The following DGKG variants were observed in gnomAD, a reference collection of about 807,000 sequenced individuals.
The protein encoded by DGKG is diacylglycerol kinase gamma.
A neutral mutation model predicts 105.3 loss-of-function variants in DGKG; 78 were observed. That is an observed-to-expected ratio of 0.74 (90% confidence interval 0.62 to 0.89). The LOEUF is 0.89. Ranked by LOEUF, DGKG falls within the 40% of genes least tolerant of loss-of-function variation. The pLI is 0.00. For synonymous variants in DGKG, 346 were observed against 367.1 expected, an observed-to-expected ratio of 0.94 and a Z score of 0.66; for missense variants, 958 against 1,020.1, an observed-to-expected ratio of 0.94 and a Z score of 0.83.
intron 21 of DGKG, among the ~76,000 whole-genome samples, chr3:186,194,395 G>T (rs1239926423): frequency 2.0e-5 from 3 of 152,220 alleles, no homozygotes; most frequent in Non-Finnish European, 4.4e-5. Context: ...GCGTTTCCGC[G>T]CCCTCCTTCT....
In DGKG at chr3:186,260,764, C is replaced by T. The variant is rs545649438; in HGVS notation, c.1350-251G>A. Among the ~76,000 whole-genome samples, 20 of 152,340 alleles carry T rather than the reference C, an allele frequency of 1.3e-4. No individual in the cohort carries two copies. The South Asian group carries it at 3.7e-3, about 28-fold the overall frequency. Reference sequence around the variant, plus strand: ...CTCCAGCTCCTAAGCCCAGAAGCATCGCCCCTTACAAAGAGGACAGGGCAG... The same window carrying T: ...CTCCAGCTCCTAAGCCCAGAAGCATTGCCCCTTACAAAGAGGACAGGGCAG... On this transcript the variant is annotated intron_variant, in intron 15 of 24. Coordinates refer to ENST00000265022, the MANE Select transcript of DGKG (RefSeq NM_001346.3).
At position 186,158,624 on chromosome 3, in the gene DGKG, T is replaced by C. The variant is rs938971248; in HGVS notation, c.2277+2979A>G. 4.0e-5 allele frequency: 37 copies of C among 924,014 alleles called. No individual in the cohort carries two copies. The African/African-American group carries it at 4.8e-4, about 12-fold the overall frequency. The allele number at this position is 924,014 out of a possible 1,614,324, so 57.2% of individuals were successfully genotyped here. A position where few individuals can be genotyped will look rare whatever the true frequency, so the allele number is the denominator to read the frequency against. Reference sequence around the variant, plus strand: ...AATATGAATGCCTGAACAAATATGATATTTAATTTCTTTATGAGTTATAGA... The same window carrying C: ...AATATGAATGCCTGAACAAATATGACATTTAATTTCTTTATGAGTTATAGA... On this transcript the variant is annotated intron_variant, in intron 24 of 24. Coordinates refer to ENST00000265022, the MANE Select transcript of DGKG (RefSeq NM_001346.3).
intron 2 of DGKG, among the ~76,000 whole-genome samples, chr3:186,319,341 A>C (rs540841371): frequency 6.1e-4 from 93 of 152,226 alleles, no homozygotes; most frequent in African/African-American, 2.2e-3. Flanking sequence ...AGACCCAGGG[A>C]TGTTCAGGGA....
chr3:186,313,785 G>GA (rs1272780981), intron 2 of DGKG, among the ~76,000 whole-genome samples: 2 of 151,802 alleles, frequency 1.3e-5, no homozygotes, highest in African/African-American at 4.8e-5. Context: ...ATCGTTAAAA[G>GA]AAAAAAAGGT....
At chr3:186,181,157 T>A (rs1045207211) in intron 22 of DGKG, among the ~76,000 whole-genome samples, 2 of 152,232 alleles carry the variant, frequency 1.3e-5, no homozygotes, top group South Asian at 2.1e-4. Context: ...TATGCCTGTC[T>A]GTGGGGTTAT....
intron 21 of DGKG, among the ~76,000 whole-genome samples, chr3:186,196,137 CTT>C (rs71164579): frequency 2.3e-3 from 303 of 131,074 alleles, no homozygotes; most frequent in Admixed American, 3.9e-3. Flanking sequence ...CTTTTTCTTT[CTT>C]TTTTTTTTTT....
At chr3:186,156,210 T>C (rs1322350561) in intron 24 of DGKG, among the ~76,000 whole-genome samples, 1 of 151,946 alleles carries the variant, frequency 6.6e-6, no homozygotes. Context: ...TGATCATCTA[T>C]TTTTTTTCTG....
Position 186,268,928 on chromosome 3 carries a change from G to C in DGKG, c.1000-11C>G, listed in dbSNP as rs766930661. Reference sequence around the variant, plus strand: ...TGCGTGCTGCATCACCTGCGGGAGGGAAGCGAACGATGCCAGGGAAAATGG... The same window carrying C: ...TGCGTGCTGCATCACCTGCGGGAGGCAAGCGAACGATGCCAGGGAAAATGG... On this transcript the variant is annotated splice_polypyrimidine_tract_variant and intron_variant, in intron 11 of 24. Coordinates refer to ENST00000265022, the MANE Select transcript of DGKG (RefSeq NM_001346.3). The C allele has an allele frequency of 5.6e-6, 9 of 1,594,068 alleles. No individual in the cohort carries two copies. In the African/African-American group the frequency reaches 1.2e-4, roughly 21 times the overall value.
intron 22 of DGKG, among the ~76,000 whole-genome samples, chr3:186,175,761 GA>G (rs1717048272): frequency 6.6e-6 from 1 of 152,210 alleles, no homozygotes; most frequent in Admixed American, 6.5e-5. Flanking sequence ...TTAAACTAAA[GA>G]GCTTCTGCAC....
chr3:186,291,423 A>G (rs991849457), intron 5 of DGKG, among the ~76,000 whole-genome samples: 2 of 152,246 alleles, frequency 1.3e-5, no homozygotes, highest in Non-Finnish European at 2.9e-5. Flanking sequence ...AAGATACTCA[A>G]CATCATTAAA....
Position 186,226,723 on chromosome 3 carries a change from C to CAA in DGKG, c.1827-14839_1827-14838insTT, listed in dbSNP as rs1719877368. Among the ~76,000 whole-genome samples, 1 of 152,168 alleles carries CAA rather than the reference C, an allele frequency of 6.6e-6. No homozygotes were observed. Among genetic ancestry groups the CAA allele is most frequent in the South Asian group, 2.1e-4 (1 of 4,832 alleles). On this transcript the variant is annotated intron_variant, in intron 20 of 24. Transcript: ENST00000265022. This position sits in a 1 kb window ranked among gnomAD's most constrained non-coding sequence, Gnocchi z 4.2. ...GGCTTGATTGGCAGTTTGGAATGCT[C>CAA]TCCAAAAAGGCCCACTTTCAGGATT...
intron 20 of DGKG, among the ~76,000 whole-genome samples, chr3:186,235,666 C>G (rs1308118712): frequency 6.6e-6 from 1 of 152,170 alleles, no homozygotes; most frequent in African/African-American, 2.4e-5. Context: ...TGCAGGTATT[C>G]AAGAGAGGAA....
At chr3:186,315,039 C>G (rs963420815) in intron 2 of DGKG, among the ~76,000 whole-genome samples, 4 of 152,104 alleles carry the variant, frequency 2.6e-5, no homozygotes, top group African/African-American at 9.7e-5. Context: ...TGCACACACC[C>G]TCTGCGGTAG....
At chr3:186,278,359 C>T (rs1263153208) in intron 9 of DGKG, among the ~76,000 whole-genome samples, 1 of 152,134 alleles carries the variant, frequency 6.6e-6, no homozygotes, top group Admixed American at 6.5e-5. Flanking sequence ...CTTATCTGAG[C>T]CCTTCCAGTT....
intron 19 of DGKG, among the ~76,000 whole-genome samples, chr3:186,245,941 A>C (rs78009967): frequency 8.6e-5 from 13 of 151,998 alleles, no homozygotes; most frequent in East Asian, 1.9e-4. Flanking sequence ...ACAAAAAAAA[A>C]CAGATGAAGT....
intron 10 of DGKG, 89 bp from the exon 11 acceptor site, chr3:186,272,432 C>A: frequency 2.1e-6 from 2 of 946,822 alleles, no homozygotes; most frequent in Non-Finnish European, 3.4e-6. Flanking sequence ...AGGTCTGTAC[C>A]TCCCTTTGGG....
intron 20 of DGKG, among the ~76,000 whole-genome samples, chr3:186,219,996 T>C (rs1332572852): frequency 6.6e-6 from 1 of 152,218 alleles, no homozygotes; most frequent in Admixed American, 6.5e-5. Context: ...GGAGCTGCTG[T>C]CAATATGTCT....
At chr3:186,360,488 A>T (rs1442875209) in intron 1 of DGKG, among the ~76,000 whole-genome samples, 1 of 152,052 alleles carries the variant, frequency 6.6e-6, no homozygotes, top group Non-Finnish European at 1.5e-5. Context: ...CATATTCGGA[A>T]TGGAATCTCC....
At chr3:186,185,817 C>T (rs1417091741) in intron 22 of DGKG, among the ~76,000 whole-genome samples, 1 of 152,102 alleles carries the variant, frequency 6.6e-6, no homozygotes, top group Non-Finnish European at 1.5e-5. Flanking sequence ...TCAACAGAGG[C>T]CGGGCATGGT....
Sources: allele counts gnomAD v4.1 joint callset (sites outside exome capture counted in the v4.1 genomes callset), GRCh38; gene constraint gnomAD v4.1.1; non-coding constraint Gnocchi (gnomAD v3.1); transcripts MANE v1.5; gene names NCBI Gene and HGNC (gene_info 2026-07-23, HGNC 2026-07-21).